Variants in SPAG16 observed in about 807,000 individuals in gnomAD.
SPAG16 encodes the protein sperm associated antigen 16.
In SPAG16, 86 loss-of-function variants were observed where a neutral mutation model predicts 80.4. That is an observed-to-expected ratio of 1.07 (90% CI 0.90 to 1.28). The LOEUF (loss-of-function observed/expected upper bound fraction) is 1.28, where lower values mean the gene tolerates loss of function less well. SPAG16 is among the 50% of genes most tolerant of loss of function. The probability of loss-of-function intolerance (pLI) is 0.00; values close to 1 mark genes in which losing one functional copy is unlikely to be tolerated. For synonymous variants in SPAG16, 294 were observed against 265.9 expected, an observed-to-expected ratio of 1.11 and a Z score of -1.03; for missense variants, 870 against 765.3, an observed-to-expected ratio of 1.14 and a Z score of -1.61.
intron 11 of SPAG16, among the ~76,000 whole-genome samples, chr2:213,876,304 C>CA (rs71063792): frequency 0.088 from 7,062 of 80,126 alleles, 604 homozygotes; most frequent in African/African-American, 0.25. Flanking sequence ...AACTTTGAAC[C>CA]AAAAAAAAAA....
intron 6 of SPAG16, among the ~76,000 whole-genome samples, chr2:213,346,309 C>A (rs907977904): frequency 2.6e-5 from 4 of 152,270 alleles, no homozygotes; most frequent in Middle Eastern, 3.4e-3. Flanking sequence ...TCTAGATATA[C>A]AATCATGTCA....
Position 213,675,545 on chromosome 2 carries a change from C to G in SPAG16, c.1070+185455C>G, listed in dbSNP as rs1048600575. On this transcript the variant is annotated intron_variant, in intron 10 of 15. Coordinates refer to ENST00000331683, the MANE Select transcript of SPAG16 (RefSeq NM_024532.5). ...GCTAACATTTAAGTCTTTAATCCATCTTGAATTGATTTTTGTATAAGGTGT... is the reference window on the plus strand; with the variant it reads ...GCTAACATTTAAGTCTTTAATCCATGTTGAATTGATTTTTGTATAAGGTGT... Among the ~76,000 whole-genome samples, 91 of 152,256 alleles carry G rather than the reference C, an allele frequency of 6.0e-4. 1 individual carries two copies. The highest frequency in any genetic ancestry group is 3.4e-3 in the Middle Eastern group (1 of 294).
Position 213,707,642 on chromosome 2 carries a change from A to G in SPAG16, c.1071-154843A>G, listed in dbSNP as rs553451699. Among the ~76,000 whole-genome samples, 7 of 152,260 alleles carry G rather than the reference A, an allele frequency of 4.6e-5. No individual in the cohort carries two copies. In the South Asian group the frequency reaches 8.3e-4, roughly 18 times the overall value. On this transcript the variant is annotated intron_variant, in intron 10 of 15. Coordinates refer to ENST00000331683, the MANE Select transcript of SPAG16 (RefSeq NM_024532.5). Reference sequence around the variant, plus strand: ...TATATGTCATTCTGCCTCATTGCCTATCATGTGCCTAAAATGTAGGAATAT... The same window carrying G: ...TATATGTCATTCTGCCTCATTGCCTGTCATGTGCCTAAAATGTAGGAATAT...
At chr2:213,603,660 A>C (rs764629445) in intron 10 of SPAG16, among the ~76,000 whole-genome samples, 1 of 152,218 alleles carries the variant, frequency 6.6e-6, no homozygotes, top group African/African-American at 2.4e-5. Flanking sequence ...TGAGATAGAA[A>C]TCGAATAAAC....
intron 15 of SPAG16, among the ~76,000 whole-genome samples, chr2:214,349,660 G>A (rs924809098): frequency 1.2e-4 from 18 of 152,308 alleles, no homozygotes; most frequent in South Asian, 4.1e-4. Flanking sequence ...AACTACCAGA[G>A]CATTCTCCAA....
chr2:214,080,196 A>G (rs749542213), intron 13 of SPAG16, among the ~76,000 whole-genome samples: 63 of 152,328 alleles, frequency 4.1e-4, no homozygotes, highest in Non-Finnish European at 7.4e-4. Flanking sequence ...CAGCAGAATT[A>G]TCTGAAGACT....
intron 15 of SPAG16, among the ~76,000 whole-genome samples, chr2:214,368,202 G>A (rs1301290024): frequency 6.6e-6 from 1 of 152,000 alleles, no homozygotes; most frequent in Non-Finnish European, 1.5e-5. Flanking sequence ...CTAGTTATAT[G>A]TTTCTTTCCT....
At chr2:214,198,997 T>C (rs889417221) in intron 15 of SPAG16, among the ~76,000 whole-genome samples, 1 of 152,182 alleles carries the variant, frequency 6.6e-6, no homozygotes, top group African/African-American at 2.4e-5. Context: ...AGATTCTGGA[T>C]AGTGGCCCTT....
At chr2:213,913,470 A>G (rs1342840887) in intron 11 of SPAG16, among the ~76,000 whole-genome samples, 2 of 149,894 alleles carry the variant, frequency 1.3e-5, no homozygotes, top group East Asian at 3.9e-4. Flanking sequence ...ATATAATAGA[A>G]CGAATATGTG....
At chr2:213,382,684 G>A (rs2067231280) in intron 9 of SPAG16, among the ~76,000 whole-genome samples, 6 of 152,210 alleles carry the variant, frequency 3.9e-5, no homozygotes. Flanking sequence ...ATCTTACCAT[G>A]TTCCAGGCTT....
chr2:213,987,289 A>G (rs1431126919), intron 12 of SPAG16, among the ~76,000 whole-genome samples: 4 of 152,040 alleles, frequency 2.6e-5, no homozygotes, highest in African/African-American at 9.7e-5. Context: ...CTGCCTGCCT[A>G]CCTCATTCTG....
chr2:213,373,773 A>G (rs1195450938), intron 8 of SPAG16, among the ~76,000 whole-genome samples: 1 of 152,162 alleles, frequency 6.6e-6, no homozygotes, highest in East Asian at 1.9e-4. Context: ...CCTTCACAAG[A>G]TTATTTACAT....
intron 10 of SPAG16, among the ~76,000 whole-genome samples, chr2:213,522,826 A>G (rs1219095795): frequency 6.7e-6 from 1 of 148,864 alleles, no homozygotes; most frequent in Non-Finnish European, 1.5e-5. Context: ...ACAAACTTAT[A>G]TATATATAAC....
chr2:214,278,319 G>T (rs568851316), intron 15 of SPAG16, among the ~76,000 whole-genome samples: 1 of 152,132 alleles, frequency 6.6e-6, no homozygotes, highest in African/African-American at 2.4e-5. Context: ...TTCCTGGGCC[G>T]CACCCACTGT....
chr2:213,726,441 G>A (rs1256411276), intron 10 of SPAG16, among the ~76,000 whole-genome samples: 5 of 152,090 alleles, frequency 3.3e-5, no homozygotes, highest in African/African-American at 1.2e-4. Flanking sequence ...AATACTCAAA[G>A]CATATTAATG....
At chr2:213,988,992 G>T (rs886481147) in intron 12 of SPAG16, among the ~76,000 whole-genome samples, 1 of 152,118 alleles carries the variant, frequency 6.6e-6, no homozygotes, top group Admixed American at 6.6e-5. Flanking sequence ...GAAGTAGGCA[G>T]TGCAAGGCTG....
chr2:214,101,891 T>G (rs2053060653), intron 13 of SPAG16, among the ~76,000 whole-genome samples: 1 of 152,138 alleles, frequency 6.6e-6, no homozygotes, highest in African/African-American at 2.4e-5. Flanking sequence ...AGCTGCATCC[T>G]CCACCTGGAA....
chr2:213,633,655 A>G (rs1211040791), intron 10 of SPAG16, among the ~76,000 whole-genome samples: 1 of 152,112 alleles, frequency 6.6e-6, no homozygotes, highest in Non-Finnish European at 1.5e-5. Context: ...TATTGGGACT[A>G]TCTCTCTCTT....
chr2:213,867,288 G>T (rs1032788562), intron 11 of SPAG16, among the ~76,000 whole-genome samples: 3 of 152,212 alleles, frequency 2.0e-5, no homozygotes, highest in African/African-American at 7.2e-5. Context: ...CATTGAAAAT[G>T]GTAAATGAAT....
Sources: gnomAD v4.1 joint callset for allele counts (sites outside exome capture counted in the v4.1 genomes callset) on GRCh38, gnomAD v4.1.1 for gene constraint, MANE v1.5 for transcripts, NCBI Gene and HGNC (gene_info 2026-07-23, HGNC 2026-07-21) for gene names.